Variants in HOXA13 observed in about 807,000 individuals in gnomAD.
HOXA13 encodes homeobox A13.
Under a neutral mutation model 25.7 loss-of-function variants are expected in HOXA13, and 5 were observed. The ratio of observed to expected loss-of-function variants is 0.19; its 90% CI spans 0.10 to 0.41. HOXA13 has a LOEUF of 0.41. HOXA13 is among the 10% of genes least tolerant of loss of function. The probability of loss-of-function intolerance (pLI) is 1.00; values close to 1 mark genes in which losing one functional copy is unlikely to be tolerated. For missense variants in HOXA13, 557 were observed against 533.5 expected, an observed-to-expected ratio of 1.04 and a Z score of -0.43; for synonymous variants, 284 against 241.1, an observed-to-expected ratio of 1.18 and a Z score of -1.65.
rs1423585132 is a variant in HOXA13, at chr7:27,199,392, G to T, written c.686C>A (p.Ala229Asp). ...GGCTGCGTAGCCCTGGTGGTAGAAG[G>T]CGAACTCCTTAGCGCGGGAGCTGAA... Reference protein sequence around the residue: ...EEFSSRAKEFAFYHQGYAAGP... With the variant: ...EEFSSRAKEFDFYHQGYAAGP... Residue 229 changes from alanine (A) to aspartate (D), a missense_variant, in exon 1 of 2, where the codon GCC (alanine) becomes GAC (aspartate). Ala to Asp is a moderately radical substitution (Grantham distance 126). Transcript: ENST00000649031. The T allele has an allele frequency of 1.2e-6, 2 of 1,613,988 alleles. No homozygotes were observed. Among genetic ancestry groups the T allele is most frequent in the African/African-American group, 1.3e-5 (1 of 74,944 alleles).
Position 27,199,850 on chromosome 7 carries a change from G to GGCCGCC in HOXA13, c.222_227dup (p.Ala83_Ala84dup). On this transcript the variant is annotated inframe_insertion, in exon 1 of 2. Coordinates refer to ENST00000649031, the MANE Select transcript of HOXA13 (RefSeq NM_000522.5). ...TGGCCGCGGCCGCCGCCGCAGCCGC[G>GGCCGCC]GCCGCCGCCGCCACCGAGAAGTTGC... 7.0e-6 allele frequency: 7 copies of GGCCGCC among 993,974 alleles called. No homozygotes were observed. The highest frequency in any genetic ancestry group is 8.4e-6 in the Non-Finnish European group (7 of 835,032). The allele number at this position is 993,974 out of a possible 1,614,324, so 61.6% of individuals were successfully genotyped here.
In HOXA13 at chr7:27,197,693, T is replaced by TAA. The variant is rs1490517420; in HGVS notation, c.*503_*504dup. On this transcript the variant is annotated 3_prime_UTR_variant, in exon 2 of 2. Coordinates refer to ENST00000649031, the MANE Select transcript of HOXA13 (RefSeq NM_000522.5). ...CTCGTTTCCCCTCTAAATCTATACA[T>TAA]AAAATGTTTTGCAGAACGTACAACA... 1.2e-5 allele frequency: 3 copies of TAA among 245,234 alleles called. No individual in the cohort carries two copies. The East Asian group carries it at 1.9e-4, about 15-fold the overall frequency. 15.2% of individuals were successfully genotyped at this position (245,234 alleles called of 1,614,324 possible).
chr7:27,199,842 G>A lies in HOXA13; in HGVS notation c.236C>T (p.Ala79Val). 4 of 989,400 alleles carry A rather than the reference G, an allele frequency of 4.0e-6. No individual in the cohort carries two copies. The highest frequency in any genetic ancestry group is 6.1e-5 in the Admixed American group (1 of 16,314). The allele number at this position is 989,400 out of a possible 1,614,324, so 61.3% of individuals were successfully genotyped here. A position where few individuals can be genotyped will look rare whatever the true frequency, so the allele number is the denominator to read the frequency against. Residue 79 changes from alanine (A) to valine (V), a missense_variant, in exon 1 of 2, where the codon GCG becomes GTG. Coordinates refer to ENST00000649031, the MANE Select transcript of HOXA13 (RefSeq NM_000522.5). ...NFSVAAAAAA[A>V]AAAAANQCRN... The stretch of plus-strand genomic sequence containing the variant: ...GCACTGGTTGGCCGCGGCCGCCGCC[G>A]CAGCCGCGGCCGCCGCCGCCACCGA...
rs1243150930 is a variant in HOXA13 at position 27,194,794 on chromosome 7, C to T, written c.*3404G>A. ...GAAGGCTACTACTTTACCCAGGGTT[C>T]CTGTAGTGGTGATGGCTTTCGAAAG... On this transcript the variant is annotated 3_prime_UTR_variant, in exon 2 of 2. Coordinates refer to ENST00000649031, the MANE Select transcript of HOXA13 (RefSeq NM_000522.5). 1 of 152,192 alleles carries T rather than the reference C, an allele frequency of 6.6e-6. No homozygotes were observed. The highest frequency in any genetic ancestry group is 1.5e-5 in the Non-Finnish European group (1 of 68,044). The allele number at this position is 152,192 out of a possible 1,614,324, so 9.4% of individuals were successfully genotyped here.
Position 27,198,568 on chromosome 7 carries a change from T to C in HOXA13, c.923-126A>G, listed in dbSNP as rs572286744. Reference sequence around the variant, plus strand: ...CTCTTTGCCACCCGCTGTACAATCCTGTCTTCTGCTAAAGCCTAGAGGGTC... The same window carrying C: ...CTCTTTGCCACCCGCTGTACAATCCCGTCTTCTGCTAAAGCCTAGAGGGTC... On this transcript the variant is annotated intron_variant, in intron 1 of 1. Transcript: ENST00000649031. The C allele has an allele frequency of 3.9e-5, 44 of 1,122,656 alleles. No homozygotes were observed. In the African/African-American group the frequency reaches 6.3e-4, roughly 16 times the overall value. 69.5% of individuals were successfully genotyped at this position (1,122,656 alleles called of 1,614,324 possible).
intron 1 of HOXA13, chr7:27,198,748 C>A (rs963497841): frequency 3.8e-6 from 2 of 529,614 alleles, no homozygotes; most frequent in African/African-American, 3.8e-5. Flanking sequence ...CAAGGTACAA[C>A]ACTTCTGTGC....
Position 27,198,051 on chromosome 7 carries a change from T to A in HOXA13, c.*147A>T, listed in dbSNP as rs17472448. ...GTAGATTCCATTAAAGAGAAAGAGA[T>A]CTCCTTCGGGAGAGGAAAATGCCAG... On this transcript the variant is annotated 3_prime_UTR_variant, in exon 2 of 2. Coordinates refer to ENST00000649031, the MANE Select transcript of HOXA13 (RefSeq NM_000522.5). 2,242 of 897,384 alleles carry A rather than the reference T, an allele frequency of 2.5e-3. 41 individuals carry two copies. The African/African-American group carries it at 0.033, about 13-fold the overall frequency. 55.6% of individuals were successfully genotyped at this position (897,384 alleles called of 1,614,324 possible). A position where few individuals can be genotyped will look rare whatever the true frequency, so the allele number is the denominator to read the frequency against.
rs1349676449 is a variant in HOXA13 at position 27,199,756 on chromosome 7, C to T, written c.322G>A (p.Ala108Thr). ...GCCGACGGGGGCGCCTCCCCGGGGGCGCTGCTGTAGGCGGACGCGGCTCCT... is the reference window on the plus strand; with the variant it reads ...GCCGACGGGGGCGCCTCCCCGGGGGTGCTGCTGTAGGCGGACGCGGCTCCT... ...APGAASAYSS[A>T]PGEAPPSAAA... Residue 108 changes from alanine (A) to threonine (T), a missense_variant, in exon 1 of 2, where the codon GCC becomes ACC. By Grantham distance (58) the Ala-to-Thr change is moderately conservative (BLOSUM62 0). Coordinates refer to ENST00000649031, the MANE Select transcript of HOXA13 (RefSeq NM_000522.5). The T allele has an allele frequency of 2.0e-6, 2 of 1,005,288 alleles. No homozygotes were observed. Among genetic ancestry groups the T allele is most frequent in the South Asian group, 3.9e-5 (1 of 25,442 alleles). The allele number at this position is 1,005,288 out of a possible 1,614,324, so 62.3% of individuals were successfully genotyped here.
rs765550223 is a variant in HOXA13 at position 27,200,088 on chromosome 7, G to A, written c.-11C>T. ...CACGGAGGCTGTCATAGCCCGAGCC[G>A]CATGGAGAAGACCCCAGTGGCGCTG... On this transcript the variant is annotated 5_prime_UTR_variant, in exon 1 of 2. Transcript: ENST00000649031. 4 of 1,445,560 alleles carry A rather than the reference G, an allele frequency of 2.8e-6. No individual in the cohort carries two copies. The highest frequency in any genetic ancestry group is 2.0e-5 in the Admixed American group (1 of 50,068). The allele number at this position is 1,445,560 out of a possible 1,614,324, so 89.5% of individuals were successfully genotyped here.
Position 27,199,516 on chromosome 7 carries a change from G to C in HOXA13, c.562C>G (p.Pro188Ala), listed in dbSNP as rs768579902. The change falls in exon 1 of 2, where the codon CCC (proline) becomes GCC (alanine). Residue 188 changes from proline (P) to alanine (A), a missense_variant. Pro to Ala is a conservative substitution (Grantham distance 27). Transcript: ENST00000649031. ...TGCGCGCACGACTTGATGGCGTTGG[G>C]GTGCGGGCCCATGCGGGCGCACGGG... The part of the protein sequence containing the change: ...YYPCARMGPH[P>A]NAIKSCAQPA... 112 of 1,601,400 alleles carry C rather than the reference G, an allele frequency of 7.0e-5. 4 individuals are homozygous for C. The South Asian group carries it at 1.1e-3, about 15-fold the overall frequency.
chr7:27,199,482 G>A lies in HOXA13; in HGVS notation c.596C>T (p.Ser199Leu), dbSNP rs766350544. 1.2e-6 allele frequency: 2 copies of A among 1,610,706 alleles called. No homozygotes were observed. The highest frequency in any genetic ancestry group is 2.2e-5 in the East Asian group (1 of 44,790). ...NAIKSCAQPA[S>L]AAAAAAFADK... ...CGCGAAGGCGGCGGCGGCGGCGGCC[G>A]AGGCGGGCTGCGCGCACGACTTGAT... Residue 199 changes from serine (S) to leucine (L), a missense_variant, in exon 1 of 2, where the codon TCG (serine) becomes TTG (leucine). By Grantham distance (145) the Ser-to-Leu change is moderately radical. Coordinates refer to ENST00000649031, the MANE Select transcript of HOXA13 (RefSeq NM_000522.5).
At position 27,199,912 on chromosome 7, in the gene HOXA13, C is replaced by T. The variant is rs770815130; in HGVS notation, c.166G>A (p.Gly56Arg). ...AAAAAAGAGG[G>R]GFPHPAAAAA... ...GCAGCCGCCGGGTGGGGGAAGCCCCCGCCCCCGGCCCCGGCAGCCGCCGCC... is the reference window on the plus strand; with the variant it reads ...GCAGCCGCCGGGTGGGGGAAGCCCCTGCCCCCGGCCCCGGCAGCCGCCGCC... The change falls in exon 1 of 2, where the codon GGG (glycine) becomes AGG (arginine). Residue 56 changes from glycine (G) to arginine (R), a missense_variant. Transcript: ENST00000649031. 7 of 1,157,884 alleles carry T rather than the reference C, an allele frequency of 6.0e-6. No individual in the cohort carries two copies. The South Asian group carries it at 1.3e-4, about 21-fold the overall frequency. The allele number at this position is 1,157,884 out of a possible 1,614,324, so 71.7% of individuals were successfully genotyped here.
chr7:27,199,773 G>T lies in HOXA13; in HGVS notation c.305C>A (p.Ala102Glu). The change falls in exon 1 of 2, where the codon GCG becomes GAG. Residue 102 changes from alanine (A) to glutamate (E), a missense_variant. Transcript: ENST00000649031. ...CCCGGGGGCGCTGCTGTAGGCGGAC[G>T]CGGCTCCTGGCGCCAAGGGCGCCGG... ...AHPAPLAPGA[A>E]SAYSSAPGEA... The T allele has an allele frequency of 9.8e-7, 1 of 1,019,020 alleles. No homozygotes were observed. Among genetic ancestry groups the T allele is most frequent in the Non-Finnish European group, 1.2e-6 (1 of 845,768 alleles). The allele number at this position is 1,019,020 out of a possible 1,614,324, so 63.1% of individuals were successfully genotyped here.
intron 1 of HOXA13, chr7:27,198,651 T>C (rs1583447941): frequency 1.6e-6 from 1 of 623,336 alleles, no homozygotes; most frequent in Admixed American, 2.8e-5. Context: ...TCCAGTGACT[T>C]CCCCAACCCG....
Position 27,199,845 on chromosome 7 carries a change from GCCGCGGCCGCCGCCGCCA to G in HOXA13, c.215_232del (p.Val72_Ala77del). On this transcript the variant is annotated inframe_deletion, in exon 1 of 2. Coordinates refer to ENST00000649031, the MANE Select transcript of HOXA13 (RefSeq NM_000522.5). ...CTGGTTGGCCGCGGCCGCCGCCGCA[GCCGCGGCCGCCGCCGCCA>G]CCGAGAAGTTGCCCCCTGCCGCCGC... 1 of 990,990 alleles carries G rather than the reference GCCGCGGCCGCCGCCGCCA, an allele frequency of 1.0e-6. No homozygotes were observed. The highest frequency in any genetic ancestry group is 1.2e-6 in the Non-Finnish European group (1 of 833,552). The allele number at this position is 990,990 out of a possible 1,614,324, so 61.4% of individuals were successfully genotyped here.
chr7:27,198,216 T>A lies in HOXA13; in HGVS notation c.1149A>T (p.Lys383Asn). ...RRVKEKKVIN[K>N]LKTTS ...TAATCCATTAACTAGTGGTTTTCAG[T>A]TTGTTGATGACTTTTTTCTCTTTAA... The change falls in exon 2 of 2, where the codon AAA becomes AAT. Residue 383 changes from lysine to asparagine, a missense_variant. Lys to Asn is a moderately conservative substitution (Grantham distance 94). Transcript: ENST00000649031. 1 of 1,614,170 alleles carries A rather than the reference T, an allele frequency of 6.2e-7. No homozygotes were observed. The highest frequency in any genetic ancestry group is 1.1e-5 in the South Asian group (1 of 91,080).
In HOXA13 at chr7:27,199,706, G is replaced by C. The variant is rs928001584; in HGVS notation, c.372C>G (p.Ala124=). The C allele has an allele frequency of 9.7e-7, 1 of 1,025,932 alleles. No homozygotes were observed. Among genetic ancestry groups the C allele is most frequent in the African/African-American group, 1.7e-5 (1 of 57,220 alleles). The allele number at this position is 1,025,932 out of a possible 1,614,324, so 63.6% of individuals were successfully genotyped here. ...CGGCGGCGGCGGCGGCGGCTGCAGCGGCAGCCGCGGCAGCAGCGGCGGCAG... is the reference window on the plus strand; with the variant it reads ...CGGCGGCGGCGGCGGCGGCTGCAGCCGCAGCCGCGGCAGCAGCGGCGGCAG... ...PSAAAAAAAA[A]AAAAAAAAAS... Residue 124 remains alanine (A), a synonymous_variant, in exon 1 of 2, where the codon GCC becomes GCG. Coordinates refer to ENST00000649031, the MANE Select transcript of HOXA13 (RefSeq NM_000522.5).
At position 27,195,720 on chromosome 7, in the gene HOXA13, A is replaced by G. The variant is rs1013177404; in HGVS notation, c.*2478T>C. The G allele has an allele frequency of 1.3e-5, 2 of 152,118 alleles. No individual in the cohort carries two copies. Among genetic ancestry groups the G allele is most frequent in the African/African-American group, 4.8e-5 (2 of 41,410 alleles). The allele number at this position is 152,118 out of a possible 1,614,324, so 9.4% of individuals were successfully genotyped here. A position where few individuals can be genotyped will look rare whatever the true frequency, so the allele number is the denominator to read the frequency against. ...CAGGATAACTCTCGTTCTGTATCCA[A>G]TCCTGTGGTCATTTTGTAGATATGA... On this transcript the variant is annotated 3_prime_UTR_variant, in exon 2 of 2. Transcript: ENST00000649031.
Position 27,199,494 on chromosome 7 carries a change from G to T in HOXA13, c.584C>A (p.Ala195Glu). 6.2e-7 allele frequency: 1 copy of T among 1,609,180 alleles called. No homozygotes were observed. The highest frequency in any genetic ancestry group is 8.5e-7 in the Non-Finnish European group (1 of 1,178,338). Residue 195 changes from alanine to glutamate, a missense_variant, in exon 1 of 2, where the codon GCG (alanine) becomes GAG (glutamate). Coordinates refer to ENST00000649031, the MANE Select transcript of HOXA13 (RefSeq NM_000522.5). ...GGCGGCGGCGGCCGAGGCGGGCTGCGCGCACGACTTGATGGCGTTGGGGTG... is the reference window on the plus strand; with the variant it reads ...GGCGGCGGCGGCCGAGGCGGGCTGCTCGCACGACTTGATGGCGTTGGGGTG... Reference protein sequence around the residue: ...GPHPNAIKSCAQPASAAAAAA... With the variant: ...GPHPNAIKSCEQPASAAAAAA...
Sources: allele counts gnomAD v4.1 joint callset, GRCh38; gene constraint gnomAD v4.1.1; transcripts MANE v1.5; gene names NCBI Gene and HGNC (gene_info 2026-07-23, HGNC 2026-07-21).